KCNQ5: variants seen among roughly 807,000 people sequenced by gnomAD.
KCNQ5 encodes the protein potassium voltage-gated channel subfamily Q member 5.
In KCNQ5, 30 loss-of-function variants were observed where a neutral mutation model predicts 98.2. The observed-to-expected ratio is 0.31, with a 90% CI of 0.23 to 0.41. The LOEUF (loss-of-function observed/expected upper bound fraction) is 0.41, where lower values mean the gene tolerates loss of function less well. Among genes scored for constraint, KCNQ5 ranks in the 10% least tolerant of loss-of-function variants. The pLI, the probability that KCNQ5 is intolerant of heterozygous loss-of-function variation, is 1.00. For missense variants in KCNQ5, 835 were observed against 1,182.5 expected, an observed-to-expected ratio of 0.71 and a Z score of 4.31; for synonymous variants, 458 against 449.4, an observed-to-expected ratio of 1.02 and a Z score of -0.24.
intron 1 of KCNQ5, among the ~76,000 whole-genome samples, chr6:72,760,175 A>T (rs1036844442): frequency 1.3e-5 from 2 of 152,166 alleles, no homozygotes; most frequent in African/African-American, 4.8e-5. Context: ...GACTTTGTCT[A>T]TACTTGGTAA....
chr6:72,720,795 G>A (rs956151588), intron 1 of KCNQ5, among the ~76,000 whole-genome samples: 4 of 152,216 alleles, frequency 2.6e-5, no homozygotes, highest in African/African-American at 9.6e-5. Flanking sequence ...CAAGGTCCCA[G>A]AGATAGTGGG....
intron 1 of KCNQ5, among the ~76,000 whole-genome samples, chr6:72,718,289 A>T (rs563962700): frequency 6.6e-6 from 1 of 152,106 alleles, no homozygotes; most frequent in South Asian, 2.1e-4. Context: ...TAATTATGTT[A>T]TGATGTATGC....
intron 1 of KCNQ5, among the ~76,000 whole-genome samples, chr6:72,804,391 T>A (rs548231530): frequency 6.6e-6 from 1 of 152,176 alleles, no homozygotes; most frequent in South Asian, 2.1e-4. Context: ...TTGTTTTGAT[T>A]TTTAGATCCC....
intron 1 of KCNQ5, among the ~76,000 whole-genome samples, chr6:72,998,338 G>A (rs1420643226): frequency 6.6e-6 from 1 of 152,146 alleles, no homozygotes; most frequent in East Asian, 1.9e-4. Context: ...AAGCAGGGTT[G>A]AATTTCCTTT....
chr6:73,037,680 C>G (rs1437232475), intron 2 of KCNQ5, among the ~76,000 whole-genome samples: 2 of 152,104 alleles, frequency 1.3e-5, no homozygotes, highest in Admixed American at 1.3e-4. Flanking sequence ...TTGTGTGGGT[C>G]TAGTTCTGAA....
chr6:72,874,250 T>C (rs1202744165), intron 1 of KCNQ5, among the ~76,000 whole-genome samples: 1 of 151,996 alleles, frequency 6.6e-6, no homozygotes, highest in African/African-American at 2.4e-5. Context: ...TTATGAATAA[T>C]TTTACCTAAT....
intron 1 of KCNQ5, among the ~76,000 whole-genome samples, chr6:72,679,285 G>A (rs1205142824): frequency 6.6e-6 from 1 of 152,058 alleles, no homozygotes; most frequent in Non-Finnish European, 1.5e-5. Flanking sequence ...TATGTTTATT[G>A]CGACACTATT....
chr6:72,745,661 TA>T (rs1028653416), intron 1 of KCNQ5, among the ~76,000 whole-genome samples: 2 of 152,294 alleles, frequency 1.3e-5, no homozygotes, highest in African/African-American at 4.8e-5. Flanking sequence ...TAACCCTTCT[TA>T]AAAGGAGATG....
At chr6:73,158,433 A>G (rs1485427699) in intron 10 of KCNQ5, among the ~76,000 whole-genome samples, 1 of 151,566 alleles carries the variant, frequency 6.6e-6, no homozygotes, top group African/African-American at 2.4e-5. Flanking sequence ...CGCCTGGCTA[A>G]TTTTTGTCTT....
At chr6:72,949,410 C>T (rs1766696959) in intron 1 of KCNQ5, among the ~76,000 whole-genome samples, 1 of 152,132 alleles carries the variant, frequency 6.6e-6, no homozygotes. Context: ...AAGTGGTAGA[C>T]AAGGACAGCT....
intron 1 of KCNQ5, among the ~76,000 whole-genome samples, chr6:72,631,860 T>C (rs189703528): frequency 2.6e-5 from 4 of 152,382 alleles, no homozygotes. Flanking sequence ...TTAATGATTA[T>C]GTGCTGGACA....
In KCNQ5 at chr6:72,658,578, A is replaced by ATATATATTTTT. The variant is rs1226386362; in HGVS notation, c.398+35992_398+35993insATATATTTTTT. On this transcript the variant is annotated intron_variant, in intron 1 of 13. Transcript: ENST00000370398. Reference sequence around the variant, plus strand: ...TTAAAGGATATATATATATATATATATTTTTTTTTTTTTTTTTTTTGAGAC... The same window carrying ATATATATTTTT: ...TTAAAGGATATATATATATATATATATATATATTTTTTTTTTTTTTTTTTTTTTTTTGAGAC... 6.9e-3 allele frequency among the ~76,000 whole-genome samples: 529 copies of ATATATATTTTT among 76,312 alleles called. 7 individuals are homozygous for ATATATATTTTT. Among genetic ancestry groups the ATATATATTTTT allele is most frequent in the Non-Finnish European group, 0.013 (458 of 35,220 alleles). 50.1% of individuals were successfully genotyped at this position (76,312 alleles called of 152,430 possible).
intron 9 of KCNQ5, among the ~76,000 whole-genome samples, chr6:73,129,589 AT>A (rs781577818): frequency 1.3e-5 from 2 of 152,192 alleles, no homozygotes; most frequent in Non-Finnish European, 2.9e-5. Context: ...TTCAAATCCA[AT>A]TTTTCAACCT....
chr6:72,943,321 G>A (rs1364980415), intron 1 of KCNQ5, among the ~76,000 whole-genome samples: 1 of 152,170 alleles, frequency 6.6e-6, no homozygotes, highest in Admixed American at 6.5e-5. Context: ...ATTTGCTAGT[G>A]TCAAATGAAT....
chr6:72,688,932 C>T (rs1239526809), intron 1 of KCNQ5, among the ~76,000 whole-genome samples: 1 of 151,822 alleles, frequency 6.6e-6, no homozygotes, highest in East Asian at 1.9e-4. Context: ...TATTTCATGT[C>T]AAAACAGAGC....
rs144243254 is a variant in KCNQ5 at position 72,775,887 on chromosome 6, C to T, written c.398+153300C>T. 3.4e-3 allele frequency among the ~76,000 whole-genome samples: 519 copies of T among 152,066 alleles called. 4 individuals are homozygous for T. The highest frequency in any genetic ancestry group is 0.011 in the African/African-American group (454 of 41,464). On this transcript the variant is annotated intron_variant, in intron 1 of 13. Coordinates refer to ENST00000370398, the MANE Select transcript of KCNQ5 (RefSeq NM_019842.4). Reference sequence around the variant, plus strand: ...AGAGCCAAGAATATCCTAGGAGACACGAAATCTAAATGTAGTGCAGTATCC... The same window carrying T: ...AGAGCCAAGAATATCCTAGGAGACATGAAATCTAAATGTAGTGCAGTATCC...
At chr6:73,075,093 A>G (rs1773472547) in intron 3 of KCNQ5, among the ~76,000 whole-genome samples, 1 of 152,248 alleles carries the variant, frequency 6.6e-6, no homozygotes, top group Non-Finnish European at 1.5e-5. Flanking sequence ...TTGCAAAGAC[A>G]TAGTCGTTGT....
intron 3 of KCNQ5, among the ~76,000 whole-genome samples, chr6:73,063,667 T>TAGATGATA (rs139031998): frequency 3.1e-5 from 2 of 64,488 alleles, no homozygotes; most frequent in East Asian, 7.8e-4. Context: ...GATAGATAGA[T>TAGATGATA]GATAGATAGA....
chr6:72,728,019 C>G (rs1160198307), intron 1 of KCNQ5, among the ~76,000 whole-genome samples: 1 of 152,150 alleles, frequency 6.6e-6, no homozygotes, highest in African/African-American at 2.4e-5. Context: ...ACATTTTAAT[C>G]CTCTGCTAGT....
Sources: allele counts gnomAD v4.1 joint callset (sites outside exome capture counted in the v4.1 genomes callset), GRCh38; gene constraint gnomAD v4.1.1; transcripts MANE v1.5; gene names NCBI Gene and HGNC (gene_info 2026-07-23, HGNC 2026-07-21).